Variants in CHSY3 observed in about 807,000 individuals in gnomAD.
CHSY3 encodes the protein N-acetylgalactosaminyl-proteoglycan 3-beta-glucuronosyltransferase 3.
In CHSY3, 35 loss-of-function variants were observed where a neutral mutation model predicts 67.2. The ratio of observed to expected loss-of-function variants is 0.52; its 90% CI spans 0.40 to 0.69. CHSY3 has a LOEUF of 0.69. Among genes scored for constraint, CHSY3 ranks in the 30% least tolerant of loss-of-function variants. CHSY3 has a pLI of 0.00. For synonymous variants in CHSY3, 474 were observed against 434.7 expected, an observed-to-expected ratio of 1.09 and a Z score of -1.12; for missense variants, 1,069 against 1,138.5, an observed-to-expected ratio of 0.94 and a Z score of 0.88.
chr5:130,047,051 G>A (rs1259842597), intron 2 of CHSY3, among the ~76,000 whole-genome samples: 1 of 142,954 alleles, frequency 7.0e-6, no homozygotes, highest in African/African-American at 2.4e-5. Flanking sequence ...TTTAAAGTAT[G>A]GTATTGTTTC....
intron 2 of CHSY3, among the ~76,000 whole-genome samples, chr5:129,987,226 T>G (rs2149627348): frequency 6.6e-6 from 1 of 152,320 alleles, no homozygotes; most frequent in East Asian, 1.9e-4. Flanking sequence ...GTTCATCAGT[T>G]TGTTCATAAA....
intron 2 of CHSY3, among the ~76,000 whole-genome samples, chr5:129,958,275 G>C (rs567774363): frequency 4.9e-4 from 74 of 152,192 alleles, no homozygotes; most frequent in Admixed American, 7.2e-4. Context: ...TGAGTGAAAG[G>C]CTTGGTTGAT....
chr5:129,938,324 C>T (rs1248306818), intron 2 of CHSY3, among the ~76,000 whole-genome samples: 6 of 152,204 alleles, frequency 3.9e-5, no homozygotes, highest in Non-Finnish European at 1.5e-5. Flanking sequence ...CTCTGAAATG[C>T]CTTTGAGGCA....
intron 2 of CHSY3, among the ~76,000 whole-genome samples, chr5:129,926,657 A>C (rs984037397): frequency 1.3e-5 from 2 of 151,886 alleles, no homozygotes; most frequent in Admixed American, 6.6e-5. Flanking sequence ...TGGTAAATCA[A>C]ATTTTAGCAA....
At chr5:130,161,195 C>T (rs1024049981) in intron 2 of CHSY3, among the ~76,000 whole-genome samples, 6 of 152,126 alleles carry the variant, frequency 3.9e-5, no homozygotes, top group South Asian at 4.2e-4. Flanking sequence ...TGAGCCACCA[C>T]GACCAGCCGA....
chr5:129,970,336 CT>C (rs773190098), intron 2 of CHSY3, among the ~76,000 whole-genome samples: 15 of 151,216 alleles, frequency 9.9e-5, no homozygotes, highest in Non-Finnish European at 2.2e-4. Flanking sequence ...ATTTGTTCGA[CT>C]TTAGGGATGG....
At chr5:130,119,345 T>C (rs1030121782) in intron 2 of CHSY3, among the ~76,000 whole-genome samples, 4 of 152,168 alleles carry the variant, frequency 2.6e-5, no homozygotes, top group Non-Finnish European at 5.9e-5. Context: ...TCTACAAACA[T>C]GAAATTTTGT....
chr5:129,937,776 A>G (rs1761550940), intron 2 of CHSY3, among the ~76,000 whole-genome samples: 1 of 152,222 alleles, frequency 6.6e-6, no homozygotes, highest in South Asian at 2.1e-4. Flanking sequence ...CAGGGCAGTT[A>G]TTAAATCTCA....
intron 2 of CHSY3, among the ~76,000 whole-genome samples, chr5:129,954,924 CG>C (rs1168157731): frequency 6.6e-6 from 1 of 151,928 alleles, no homozygotes; most frequent in Non-Finnish European, 1.5e-5. Context: ...GCTGCAGTGC[CG>C]TGGCGCGATC....
rs537371928 is a variant in CHSY3, at chr5:130,107,747, T to G, written c.1087-76482T>G. On this transcript the variant is annotated intron_variant, in intron 2 of 2. Transcript: ENST00000305031. ...ACTTAGTGGTATTTGATCAATCAAG[T>G]CAGTTCAGTTTAATAATTAGGTCTA... Among the ~76,000 whole-genome samples the G allele has an allele frequency of 1.3e-3, 192 of 151,708 alleles. 2 individuals are homozygous for G. Among genetic ancestry groups the G allele is most frequent in the African/African-American group, 4.3e-3 (179 of 41,492 alleles).
At chr5:130,082,860 G>GTGTATATACATATATA (rs1338528730) in intron 2 of CHSY3, among the ~76,000 whole-genome samples, 6 of 151,320 alleles carry the variant, frequency 4.0e-5, no homozygotes, top group Non-Finnish European at 8.8e-5. Flanking sequence ...ATATATATGT[G>GTGTATATACATATATA]TGTATATACA....
rs544186121 is a variant in CHSY3, at chr5:130,116,561, T to G, written c.1087-67668T>G. 2.0e-5 allele frequency among the ~76,000 whole-genome samples: 3 copies of G among 151,764 alleles called. No homozygotes were observed. The East Asian group carries it at 5.8e-4, about 29-fold the overall frequency. On this transcript the variant is annotated intron_variant, in intron 2 of 2. Coordinates refer to ENST00000305031, the MANE Select transcript of CHSY3 (RefSeq NM_175856.5). ...TCACTTTTCTTTATTCCTGATGTAA[T>G]AGTCTCTGTAGTTGGCTGTGATGAA...
intron 2 of CHSY3, among the ~76,000 whole-genome samples, chr5:129,932,102 C>CAATA (rs1761328509): frequency 1.9e-5 from 1 of 54,040 alleles, no homozygotes; most frequent in Non-Finnish European, 3.3e-5. Context: ...AACCATAAAA[C>CAATA]CATATATATA....
intron 2 of CHSY3, among the ~76,000 whole-genome samples, chr5:129,934,913 C>T (rs1290467017): frequency 6.6e-6 from 1 of 151,888 alleles, no homozygotes; most frequent in Non-Finnish European, 1.5e-5. Context: ...TTTGGCACTC[C>T]GAAATGCAGA....
intron 2 of CHSY3, among the ~76,000 whole-genome samples, chr5:130,019,186 A>G (rs1764296236): frequency 6.6e-6 from 1 of 152,174 alleles, no homozygotes; most frequent in Non-Finnish European, 1.5e-5. Flanking sequence ...TCACTTAAAT[A>G]ACTAATTTTA....
chr5:129,904,126 G>C (rs1760129118), upstream of CHSY3, among the ~76,000 whole-genome samples: 1 of 152,016 alleles, frequency 6.6e-6, no homozygotes, highest in Non-Finnish European at 1.5e-5. Flanking sequence ...CACGAGTGTC[G>C]GGAGGCCAGC....
At chr5:129,963,351 G>T (rs1260990239) in intron 2 of CHSY3, among the ~76,000 whole-genome samples, 1 of 151,990 alleles carries the variant, frequency 6.6e-6, no homozygotes. Flanking sequence ...TTGTATAAAT[G>T]AAAAAGCTAA....
intron 2 of CHSY3, among the ~76,000 whole-genome samples, chr5:130,052,714 C>G (rs1232040686): frequency 2.0e-5 from 3 of 151,920 alleles, no homozygotes; most frequent in African/African-American, 7.3e-5. Context: ...GTCTTTTATC[C>G]AAGGCTTTTC....
At chr5:129,936,810 C>A (rs1761508165) in intron 2 of CHSY3, among the ~76,000 whole-genome samples, 1 of 152,158 alleles carries the variant, frequency 6.6e-6, no homozygotes, top group African/African-American at 2.4e-5. Flanking sequence ...CATTCCCATT[C>A]ATGTTGCCCT....
Sources: gnomAD v4.1 joint callset for allele counts (sites outside exome capture counted in the v4.1 genomes callset) on GRCh38, gnomAD v4.1.1 for gene constraint, MANE v1.5 for transcripts, NCBI Gene and HGNC (gene_info 2026-07-23, HGNC 2026-07-21) for gene names.